ATN1: variants seen among roughly 807,000 people sequenced by gnomAD.
ATN1 encodes the protein atrophin-1.
A neutral mutation model predicts 85.8 loss-of-function variants in ATN1; 19 were observed. The observed-to-expected ratio is 0.22, with a 90% confidence interval of 0.15 to 0.32. The LOEUF (loss-of-function observed/expected upper bound fraction) is 0.32. Among genes scored for constraint, ATN1 ranks in the 10% least tolerant of loss-of-function variants. ATN1 has a pLI of 1.00. For missense variants in ATN1, 1,453 were observed against 1,564.5 expected, an observed-to-expected ratio of 0.93 and a Z score of 1.20; for synonymous variants, 674 against 657.0, an observed-to-expected ratio of 1.03 and a Z score of -0.39.
chr12:6,938,594 T>C lies in ATN1; in HGVS notation c.2631T>C (p.Gly877=). ...TGGCTACAGTGCCCCCCTACCTGGG[T>C]CCTGACACTCCAGCCTTGCGCACTC... ...SAVATVPPYL[G]PDTPALRTLS... Residue 877 remains glycine (G), a synonymous_variant, in exon 7 of 10, where the codon GGT becomes GGC. Coordinates refer to ENST00000396684, the MANE Select transcript of ATN1 (RefSeq NM_001940.4). 3.7e-6 allele frequency: 6 copies of C among 1,614,194 alleles called. No homozygotes were observed. The highest frequency in any genetic ancestry group is 5.1e-6 in the Non-Finnish European group (6 of 1,180,034).
Position 6,936,025 on chromosome 12 carries a change from A to AC in ATN1, c.764dup (p.Pro256ThrfsTer13). 1 of 1,578,744 alleles carries AC rather than the reference A, an allele frequency of 6.3e-7. No individual in the cohort carries two copies. The highest frequency in any genetic ancestry group is 8.6e-7 in the Non-Finnish European group (1 of 1,162,852). On this transcript the variant is annotated frameshift_variant, in exon 5 of 10. Transcript: ENST00000396684. LOFTEE classifies it high-confidence loss of function. ...GGGGGCCCTAATGGGGGTAAGCAGC[A>AC]CCCCCCACCCACTACTCCCATTTCA...
Position 6,936,480 on chromosome 12 carries a change from T to C in ATN1, c.1213T>C (p.Leu405=), listed in dbSNP as rs369685207. The change falls in exon 5 of 10, where the codon TTG becomes CTG. Residue 405 remains leucine, a synonymous_variant. Coordinates refer to ENST00000396684, the MANE Select transcript of ATN1 (RefSeq NM_001940.4). The part of the protein sequence containing the change: ...SASPFPASQA[L]PSYPHSFPPP... ...CTCCCCCTTCCCAGCTTCCCAGGCA[T>C]TGCCCAGCTACCCCCACTCTTTCCC... 4.0e-5 allele frequency: 59 copies of C among 1,490,824 alleles called. No homozygotes were observed. In the African/African-American group the frequency reaches 9.0e-4, roughly 23 times the overall value. 92.3% of individuals were successfully genotyped at this position (1,490,824 alleles called of 1,614,324 possible).
chr12:6,930,218 CTTAGGCCAGTGCAT>C (rs1389211943), intron 1 of ATN1, among the ~76,000 whole-genome samples: 1 of 152,172 alleles, frequency 6.6e-6, no homozygotes, highest in African/African-American at 2.4e-5. Flanking sequence ...TCTCAGAAGG[CTTAGGCCAGTGCAT>C]CGTTATCTGC....
Position 6,935,975 on chromosome 12 carries a change from G to T in ATN1, c.708G>T (p.Lys236Asn). The change falls in exon 5 of 10, where the codon AAG becomes AAT. Residue 236 changes from lysine to asparagine, a missense_variant. This residue lies in a region of ATN1 where 990 missense variants were observed against 914.8 expected (regional missense o/e 1.08). Coordinates refer to ENST00000396684, the MANE Select transcript of ATN1 (RefSeq NM_001940.4). This position sits in a 1 kb window ranked among gnomAD's most constrained non-coding sequence, Gnocchi z 5.3. ...TGTCTGGACCCCCAATGGGTCCCAA[G>T]GGGGGAGGGGCTGCCTCATCAGTGG... ...GVLSGPPMGP[K>N]GGGAASSVGG... 6.3e-7 allele frequency: 1 copy of T among 1,589,142 alleles called. No homozygotes were observed. Among genetic ancestry groups the T allele is most frequent in the South Asian group, 1.1e-5 (1 of 87,514 alleles).
At chr12:6,938,382 C>T in intron 6 of ATN1, 99 bp from the exon 7 acceptor site, 1 of 1,437,504 alleles carries the variant, frequency 7.0e-7, no homozygotes, top group East Asian at 2.5e-5. Flanking sequence ...TGAGTTGAGG[C>T]ATTTTGGCAT....
chr12:6,942,050 TCTC>T lies in ATN1; in HGVS notation c.*275_*277del, dbSNP rs1163708411. On this transcript the variant is annotated 3_prime_UTR_variant, in exon 10 of 10. Transcript: ENST00000396684. The stretch of plus-strand genomic sequence containing the variant: ...CTCTCTTCCTTGTCCCCCCTGCTTT[TCTC>T]CTCCCCCATGCCCAACCCCTGTGGC... The T allele has an allele frequency of 3.8e-6, 2 of 530,838 alleles. No homozygotes were observed. Among genetic ancestry groups the T allele is most frequent in the Non-Finnish European group, 6.8e-6 (2 of 294,548 alleles). 32.9% of individuals were successfully genotyped at this position (530,838 alleles called of 1,614,324 possible).
intron 1 of ATN1, among the ~76,000 whole-genome samples, chr12:6,930,521 C>T (rs1228473672): frequency 1.3e-5 from 2 of 152,188 alleles, no homozygotes; most frequent in East Asian, 1.9e-4. Flanking sequence ...AATGGCAGTG[C>T]GCAGTGGCTC....
chr12:6,934,673 A>T lies in ATN1; in HGVS notation c.279+95A>T. 2.1e-6 allele frequency: 2 copies of T among 931,944 alleles called. No homozygotes were observed. Among genetic ancestry groups the T allele is most frequent in the Admixed American group, 4.2e-5 (2 of 47,484 alleles). 57.7% of individuals were successfully genotyped at this position (931,944 alleles called of 1,614,324 possible). On this transcript the variant is annotated intron_variant, in intron 4 of 9. Coordinates refer to ENST00000396684, the MANE Select transcript of ATN1 (RefSeq NM_001940.4). This position sits in a 1 kb window ranked among gnomAD's most constrained non-coding sequence, Gnocchi z 4.5. ...TATTCTTAGCTGGATCTCTCCTGGG[A>T]CATAAGAGAAAGGCCAGATCATAGT...
upstream of ATN1, among the ~76,000 whole-genome samples, chr12:6,925,117 CGTGTGTGTGTGTGT>C (rs376981297): frequency 7.0e-6 from 1 of 143,718 alleles, no homozygotes; most frequent in African/African-American, 2.7e-5. Context: ...TGTGCGTGTG[CGTGTGTGTGTGTGT>C]GTGTGTGTGT....
rs1945420477 is a variant in ATN1 at position 6,928,244 on chromosome 12, G to A, written c.-303G>A. 6.8e-6 allele frequency: 1 copy of A among 147,990 alleles called. No individual in the cohort carries two copies. Among genetic ancestry groups the A allele is most frequent in the Non-Finnish European group, 1.5e-5 (1 of 66,074 alleles). 9.2% of individuals were successfully genotyped at this position (147,990 alleles called of 1,614,324 possible). ...GGGGGCCGCCCTCCGGGGGGGTCGG[G>A]GCCGCCGCCGCCGTCGTCGCGGCGG... On this transcript the variant is annotated 5_prime_UTR_variant, in exon 1 of 10. Coordinates refer to ENST00000396684, the MANE Select transcript of ATN1 (RefSeq NM_001940.4).
Position 6,936,240 on chromosome 12 carries a change from C to T in ATN1, c.973C>T (p.Leu325=), listed in dbSNP as rs782539379. 54 of 1,607,520 alleles carry T rather than the reference C, an allele frequency of 3.4e-5. No homozygotes were observed. Among genetic ancestry groups the T allele is most frequent in the Non-Finnish European group, 4.6e-5 (54 of 1,176,080 alleles). The stretch of plus-strand genomic sequence containing the variant: ...TCCCCCTGGCCTGGGGGCCCAACCA[C>T]TACCTGGTCATCTGCCCTCTCCCCA... ...ASPPGLGAQP[L]PGHLPSPHAM... Residue 325 remains leucine (L), a synonymous_variant, in exon 5 of 10, where the codon CTA becomes TTA. Coordinates refer to ENST00000396684, the MANE Select transcript of ATN1 (RefSeq NM_001940.4).
intron 6 of ATN1, 138 bp from the exon 7 acceptor site, chr12:6,938,343 A>G: frequency 7.5e-7 from 1 of 1,336,032 alleles, no homozygotes; most frequent in Non-Finnish European, 1.0e-6. Context: ...CGGGGGCCGC[A>G]GTTAAGTTCC....
intron 1 of ATN1, 67 bp from the exon 2 acceptor site, chr12:6,933,773 A>G (rs1364210444): frequency 1.3e-5 from 8 of 609,512 alleles, no homozygotes; most frequent in Non-Finnish European, 2.0e-5. Context: ...TTCTCTGACA[A>G]GCAGAATAGT....
At chr12:6,931,943 G>A (rs782380596) in intron 1 of ATN1, among the ~76,000 whole-genome samples, 3 of 146,050 alleles carry the variant, frequency 2.1e-5, no homozygotes, top group African/African-American at 7.6e-5. Flanking sequence ...GCTGAGGCAG[G>A]AGAATCGCTT....
rs1452269659 is a variant in ATN1 at position 6,936,843 on chromosome 12, C to G, written c.1576C>G (p.His526Asp). The G allele has an allele frequency of 4.3e-6, 7 of 1,613,886 alleles. No individual in the cohort carries two copies. The highest frequency in any genetic ancestry group is 5.1e-6 in the Non-Finnish European group (6 of 1,179,978). Residue 526 changes from histidine to aspartate, a missense_variant, in exon 5 of 10, where the codon CAC becomes GAC. Transcript: ENST00000396684. ...PHPLEGGSSH[H>D]AHPYAMSPSL... is the part of the protein sequence containing the mutation. ...CCCACTGGAGGGCGGTAGCTCCCAC[C>G]ACGCACACCCTTACGCCATGTCTCC...
At position 6,931,985 on chromosome 12, in the gene ATN1, G is replaced by T. The variant is rs1343474799; in HGVS notation, c.-162-1855G>T. On this transcript the variant is annotated intron_variant, in intron 1 of 9. Coordinates refer to ENST00000396684, the MANE Select transcript of ATN1 (RefSeq NM_001940.4). Reference sequence around the variant, plus strand: ...GGGAGGCAGAGGTTGCAGTGAGTGAGATCACGCCACTGCACTCCAGCCTGG... The same window carrying T: ...GGGAGGCAGAGGTTGCAGTGAGTGATATCACGCCACTGCACTCCAGCCTGG... Among the ~76,000 whole-genome samples, 7 of 128,148 alleles carry T rather than the reference G, an allele frequency of 5.5e-5. No individual in the cohort carries two copies. The Admixed American group carries it at 6.9e-4, about 13-fold the overall frequency. 84.1% of individuals were successfully genotyped at this position (128,148 alleles called of 152,430 possible).
upstream of ATN1, among the ~76,000 whole-genome samples, chr12:6,927,935 T>A (rs1284284052): frequency 6.7e-5 from 10 of 149,546 alleles, no homozygotes; most frequent in Admixed American, 6.6e-4. Flanking sequence ...GGGAGCCGAC[T>A]GCCGGGGAAG....
intron 7 of ATN1, among the ~76,000 whole-genome samples, chr12:6,939,630 T>C (rs1195427120): frequency 6.6e-6 from 1 of 152,000 alleles, no homozygotes; most frequent in Non-Finnish European, 1.5e-5. Context: ...GCCTCTGGAG[T>C]AGCTGGGATT....
chr12:6,924,495 T>G (rs1945377174), upstream of ATN1: 1 of 152,304 alleles, frequency 6.6e-6, no homozygotes, highest in Non-Finnish European at 1.5e-5. Context: ...GGGAGGAACT[T>G]CAAGGCTGTC....
Sources: allele counts gnomAD v4.1 joint callset (sites outside exome capture counted in the v4.1 genomes callset), GRCh38; gene constraint gnomAD v4.1.1; regional missense constraint gnomAD v4.1.1; non-coding constraint Gnocchi (gnomAD v3.1); transcripts MANE v1.5; gene names NCBI Gene and HGNC (gene_info 2026-07-23, HGNC 2026-07-21).